NFATC3: variants seen among roughly 807,000 people sequenced by gnomAD.
NFATC3 encodes nuclear factor of activated T-cells, cytoplasmic 3.
Under a neutral mutation model 98.6 loss-of-function variants are expected in NFATC3, and 46 were observed. The observed-to-expected ratio is 0.47, with a 90% CI of 0.37 to 0.60. NFATC3 has a LOEUF of 0.60. NFATC3 is among the 20% of genes least tolerant of loss of function. The pLI, the probability that NFATC3 is intolerant of heterozygous loss-of-function variation, is 0.00. For missense variants in NFATC3, 1,256 were observed against 1,295.5 expected (o/e 0.97, Z 0.47); for synonymous variants, 512 against 472.2 (o/e 1.08, Z -1.09).
intron 4 of NFATC3, among the ~76,000 whole-genome samples, chr16:68,159,451 TC>T (rs1345973160): frequency 1.3e-5 from 2 of 148,566 alleles, no homozygotes; most frequent in Admixed American, 6.7e-5. Flanking sequence ...CAAGATGGAG[TC>T]TCGCTCTGTG....
At chr16:68,093,337 C>G (rs1299167701) in intron 1 of NFATC3, among the ~76,000 whole-genome samples, 1 of 152,104 alleles carries the variant, frequency 6.6e-6, no homozygotes, top group South Asian at 2.1e-4. Context: ...CAAGCTAATT[C>G]AGTCCTTCCA....
chr16:68,203,092 A>T (rs2040996038), intron 9 of NFATC3, among the ~76,000 whole-genome samples: 1 of 152,194 alleles, frequency 6.6e-6, no homozygotes, highest in Admixed American at 6.5e-5. Context: ...TGTAGGCTTT[A>T]AATCATGGCT....
chr16:68,101,179 G>A (rs951636477), intron 1 of NFATC3, among the ~76,000 whole-genome samples: 42 of 151,960 alleles, frequency 2.8e-4, no homozygotes, highest in East Asian at 9.7e-4. Flanking sequence ...TCTTGCTCGT[G>A]TTGCCCAGGA....
At chr16:68,184,019 A>AG (rs2040060384) in intron 8 of NFATC3, among the ~76,000 whole-genome samples, 1 of 152,008 alleles carries the variant, frequency 6.6e-6, no homozygotes, top group South Asian at 2.1e-4. Context: ...AAAAAAAAAA[A>AG]AAAAAAGAAA....
intron 5 of NFATC3, among the ~76,000 whole-genome samples, chr16:68,170,250 G>T (rs540878612): frequency 6.6e-6 from 1 of 151,512 alleles, no homozygotes; most frequent in South Asian, 2.1e-4. Context: ...AATTAGATGG[G>T]CGTGGTGGCG....
intron 1 of NFATC3, among the ~76,000 whole-genome samples, chr16:68,104,807 A>AC (rs2035564138): frequency 6.6e-6 from 1 of 151,836 alleles, no homozygotes; most frequent in African/African-American, 2.4e-5. Flanking sequence ...GGTGCCCACC[A>AC]CCACGCTCAG....
chr16:68,219,758 T>G (rs2041786874), intron 9 of NFATC3, among the ~76,000 whole-genome samples: 1 of 152,118 alleles, frequency 6.6e-6, no homozygotes, highest in East Asian at 1.9e-4. Flanking sequence ...TTTACAAAAT[T>G]GCAAATTAGA....
rs111479131 is a variant in NFATC3, at chr16:68,192,106, G to C, written c.3106+331G>C. The C allele has an allele frequency of 9.1e-3, 1,652 of 182,104 alleles. 19 individuals are homozygous for C. The highest frequency in any genetic ancestry group is 0.013 in the Non-Finnish European group (1,155 of 86,842). The allele number at this position is 182,104 out of a possible 1,614,324, so 11.3% of individuals were successfully genotyped here. On this transcript the variant is annotated intron_variant, in intron 9 of 9. Transcript: ENST00000346183. The stretch of plus-strand genomic sequence containing the variant: ...GACTATAATCCCAGCTACTCGGGAG[G>C]CTGAGACAGGAGAATCACTTGAACC...
chr16:68,151,498 A>G (rs1421046141), intron 3 of NFATC3, among the ~76,000 whole-genome samples: 2 of 152,194 alleles, frequency 1.3e-5, no homozygotes, highest in African/African-American at 4.8e-5. Context: ...GGGTATTAAT[A>G]TATACTAAGG....
chr16:68,161,006 T>C (rs1444201703), intron 4 of NFATC3, among the ~76,000 whole-genome samples: 3 of 152,186 alleles, frequency 2.0e-5, no homozygotes, highest in Non-Finnish European at 4.4e-5. Flanking sequence ...TTGTGTTCTA[T>C]AATGTAGAAA....
intron 1 of NFATC3, among the ~76,000 whole-genome samples, chr16:68,115,585 C>T (rs1032392433): frequency 6.6e-6 from 1 of 151,918 alleles, no homozygotes; most frequent in African/African-American, 2.4e-5. Context: ...GCACCATGCC[C>T]AGCTAATTTT....
chr16:68,216,134 G>A (rs1315376171), intron 9 of NFATC3, among the ~76,000 whole-genome samples: 2 of 152,148 alleles, frequency 1.3e-5, no homozygotes, highest in Non-Finnish European at 2.9e-5. Flanking sequence ...AGGTTCCAGA[G>A]CACAGGTAGT....
In NFATC3 at chr16:68,148,641, C is replaced by T. The variant is rs565867357; in HGVS notation, c.1402-9228C>T. 2.6e-4 allele frequency among the ~76,000 whole-genome samples: 39 copies of T among 152,204 alleles called. 1 individual carries two copies. Among genetic ancestry groups the T allele is most frequent in the Admixed American group, 2.0e-3 (30 of 15,276 alleles). ...ACTCTGGAAAGGTTCAGGAATTTGACGTACTGGATATCTCTGAAAGTGGGA... is the reference window on the plus strand; with the variant it reads ...ACTCTGGAAAGGTTCAGGAATTTGATGTACTGGATATCTCTGAAAGTGGGA... On this transcript the variant is annotated intron_variant, in intron 3 of 9. Transcript: ENST00000346183.
At chr16:68,118,595 A>G (rs1161943177) in intron 1 of NFATC3, among the ~76,000 whole-genome samples, 2 of 152,006 alleles carry the variant, frequency 1.3e-5, no homozygotes, top group Non-Finnish European at 2.9e-5. Context: ...TCAGTTGCCT[A>G]CTTTCTTCTC....
In NFATC3 at chr16:68,190,959, C is replaced by G; in HGVS notation, c.2290C>G (p.Leu764Val). ...TGCATCCATGGTGACCTCATCCCATCTGCCACAGTTGCAGTGTAGAGATGA... is the reference window on the plus strand; with the variant it reads ...TGCATCCATGGTGACCTCATCCCATGTGCCACAGTTGCAGTGTAGAGATGA... ...TYASMVTSSHLPQLQCRDESV... is the reference protein window; with the variant it reads ...TYASMVTSSHVPQLQCRDESV... The change falls in exon 9 of 10, where the codon CTG (leucine) becomes GTG (valine). Residue 764 changes from leucine (L) to valine (V), a missense_variant. This residue lies in a region of NFATC3 where 636 missense variants were observed against 617.3 expected (regional missense o/e 1.03). Transcript: ENST00000346183. 6.2e-7 allele frequency: 1 copy of G among 1,614,246 alleles called. No homozygotes were observed. The highest frequency in any genetic ancestry group is 8.5e-7 in the Non-Finnish European group (1 of 1,180,046).
intron 1 of NFATC3, among the ~76,000 whole-genome samples, chr16:68,113,588 T>TA (rs2036099903): frequency 6.6e-6 from 1 of 152,212 alleles, no homozygotes; most frequent in South Asian, 2.1e-4. Context: ...GGAACCTGCT[T>TA]AAAGAAGCAG....
chr16:68,198,316 C>G (rs946725132), intron 9 of NFATC3, among the ~76,000 whole-genome samples: 20 of 151,992 alleles, frequency 1.3e-4, no homozygotes, highest in African/African-American at 4.8e-5. Flanking sequence ...AGACCCTTGT[C>G]TCAAAAATAA....
In NFATC3 at chr16:68,085,727, C is replaced by T; in HGVS notation, c.46C>T (p.Leu16Phe). 2 of 1,514,098 alleles carry T rather than the reference C, an allele frequency of 1.3e-6. No individual in the cohort carries two copies. The highest frequency in any genetic ancestry group is 8.8e-7 in the Non-Finnish European group (1 of 1,133,284). The allele number at this position is 1,514,098 out of a possible 1,614,324, so 93.8% of individuals were successfully genotyped here. ...CGCCCACGACGAGCTCGACTTCAAA[C>T]TCGTCTTTGGCGAGGACGGGGCGCC... ...CGAHDELDFKLVFGEDGAPAP... is the reference protein window; with the variant it reads ...CGAHDELDFKFVFGEDGAPAP... The change falls in exon 1 of 10, where the codon CTC becomes TTC. Residue 16 changes from leucine (L) to phenylalanine (F), a missense_variant. This residue lies in a region of NFATC3 where 464 missense variants were observed against 465.7 expected (regional missense o/e 1.00). Transcript: ENST00000346183.
At chr16:68,212,664 G>C (rs2041456608) in intron 9 of NFATC3, 1 of 151,764 alleles carries the variant, frequency 6.6e-6, no homozygotes, top group South Asian at 2.1e-4. Flanking sequence ...GGATTATGTT[G>C]TGACCCAGTA....
Sources: gnomAD v4.1 joint callset for allele counts (sites outside exome capture counted in the v4.1 genomes callset) on GRCh38, gnomAD v4.1.1 for gene constraint, gnomAD v4.1.1 regional missense constraint, MANE v1.5 for transcripts, NCBI Gene and HGNC (gene_info 2026-07-23, HGNC 2026-07-21) for gene names.